The following PPARGC1A variants were observed in gnomAD, a reference collection of about 807,000 sequenced individuals.
PPARGC1A encodes peroxisome proliferator-activated receptor gamma coactivator 1-alpha.
Under a neutral mutation model 88.7 loss-of-function variants are expected in PPARGC1A, and 25 were observed. The ratio of observed to expected loss-of-function variants is 0.28; its 90% CI spans 0.21 to 0.39. The LOEUF (loss-of-function observed/expected upper bound fraction) is 0.39, where lower values mean the gene tolerates loss of function less well. PPARGC1A is among the 10% of genes least tolerant of loss of function. The pLI, the probability that PPARGC1A is intolerant of heterozygous loss-of-function variation, is 1.00. For synonymous variants in PPARGC1A, 363 were observed against 355.6 expected, an observed-to-expected ratio of 1.02 and a Z score of -0.24; for missense variants, 880 against 968.7, an observed-to-expected ratio of 0.91 and a Z score of 1.22.
At chr4:24,135,944 A>G in the PPARGC1A span, among the ~76,000 whole-genome samples, 1 of 152,144 alleles carries the variant, frequency 6.6e-6, no homozygotes, top group African/African-American at 2.4e-5. Flanking sequence ...GGCCCTGCCA[A>G]GGGTAAAAAG....
At chr4:24,110,717 CACATTAA>C in the PPARGC1A span, among the ~76,000 whole-genome samples, 1 of 152,180 alleles carries the variant, frequency 6.6e-6, no homozygotes, top group African/African-American at 2.4e-5. Flanking sequence ...ACTTGACAGG[CACATTAA>C]ACATCTCCAA....
chr4:24,359,364 G>A, the PPARGC1A span, among the ~76,000 whole-genome samples: 50,346 of 151,996 alleles, frequency 0.33, 8,556 homozygotes, highest in South Asian at 0.39. Flanking sequence ...TGCTGTCTCT[G>A]TAAAGATGCC....
At chr4:24,093,049 T>A in the PPARGC1A span, among the ~76,000 whole-genome samples, 1 of 152,208 alleles carries the variant, frequency 6.6e-6, no homozygotes, top group African/African-American at 2.4e-5. Flanking sequence ...GACCTAGGTG[T>A]CCGATGCTGT....
intron 2 of PPARGC1A, among the ~76,000 whole-genome samples, chr4:23,845,424 A>G (rs1043490198): frequency 2.6e-5 from 4 of 152,156 alleles, no homozygotes; most frequent in South Asian, 2.1e-4. Flanking sequence ...TCTATATGGT[A>G]TATTAAGATT....
chr4:24,181,141 CTTCT>C, the PPARGC1A span, among the ~76,000 whole-genome samples: 1 of 152,164 alleles, frequency 6.6e-6, no homozygotes. Context: ...TACTCCCTGG[CTTCT>C]TTGAGAATAA....
the PPARGC1A span, among the ~76,000 whole-genome samples, chr4:24,273,887 C>A: frequency 6.6e-6 from 1 of 151,636 alleles, no homozygotes; most frequent in Admixed American, 6.6e-5. Context: ...CCCGCCACCA[C>A]GCCCAGCTAA....
the PPARGC1A span, among the ~76,000 whole-genome samples, chr4:24,393,726 C>T: frequency 6.6e-6 from 1 of 152,218 alleles, no homozygotes; most frequent in Non-Finnish European, 1.5e-5. Context: ...ATTCTTGCCA[C>T]GTCCTTGTGT....
At chr4:24,268,509 G>A in the PPARGC1A span, among the ~76,000 whole-genome samples, 1 of 152,156 alleles carries the variant, frequency 6.6e-6, no homozygotes, top group Middle Eastern at 3.4e-3. Context: ...CTCTTATATT[G>A]GGCACAGATT....
chr4:24,434,059 CT>C, the PPARGC1A span, among the ~76,000 whole-genome samples: 1 of 152,196 alleles, frequency 6.6e-6, no homozygotes, highest in Non-Finnish European at 1.5e-5. Context: ...GCCCTGAATT[CT>C]TTTCTGATCC....
At chr4:24,311,131 G>A in the PPARGC1A span, among the ~76,000 whole-genome samples, 4 of 96,240 alleles carry the variant, frequency 4.2e-5, no homozygotes, top group Admixed American at 6.9e-4. Flanking sequence ...ACAGAGTCTT[G>A]CTCTGTCACC....
chr4:24,245,770 A>G, the PPARGC1A span, among the ~76,000 whole-genome samples: 1 of 152,178 alleles, frequency 6.6e-6, no homozygotes, highest in Non-Finnish European at 1.5e-5. Flanking sequence ...GAAAAGAAAA[A>G]TATCTCCTCT....
rs1393538962 is a variant in PPARGC1A, at chr4:23,887,713, A to G, written c.54+2191T>C. 2.0e-5 allele frequency among the ~76,000 whole-genome samples: 3 copies of G among 152,162 alleles called. No individual in the cohort carries two copies. In the East Asian group the frequency reaches 5.8e-4, roughly 29 times the overall value. On this transcript the variant is annotated intron_variant, in intron 1 of 12. Coordinates refer to ENST00000264867, the MANE Select transcript of PPARGC1A (RefSeq NM_013261.5). ...TATAATTAAGTATAATTCTCCATTA[A>G]CCTTTTGGAGGTTTTTGTGCCATTG...
At chr4:23,851,927 T>C (rs951495146) in intron 2 of PPARGC1A, among the ~76,000 whole-genome samples, 5 of 152,180 alleles carry the variant, frequency 3.3e-5, no homozygotes, top group African/African-American at 1.2e-4. Context: ...AAGATGCAGA[T>C]GCTAATTCAG....
At chr4:24,416,761 TG>T in the PPARGC1A span, among the ~76,000 whole-genome samples, 81 of 152,308 alleles carry the variant, frequency 5.3e-4, no homozygotes, top group Admixed American at 2.4e-3. Context: ...CTTGGCACAG[TG>T]GCTCACGCCT....
At chr4:24,443,071 C>A in the PPARGC1A span, among the ~76,000 whole-genome samples, 14 of 152,034 alleles carry the variant, frequency 9.2e-5, no homozygotes, top group African/African-American at 3.4e-4. Flanking sequence ...GTATGTAGTT[C>A]CTGGGATCAC....
At chr4:23,838,347 A>T (rs560695187) in intron 2 of PPARGC1A, among the ~76,000 whole-genome samples, 66 of 152,288 alleles carry the variant, frequency 4.3e-4, no homozygotes, top group African/African-American at 1.3e-3. Flanking sequence ...GGACTCCCAC[A>T]TGTAATGACT....
At chr4:24,283,962 C>T in the PPARGC1A span, among the ~76,000 whole-genome samples, 1 of 152,072 alleles carries the variant, frequency 6.6e-6, no homozygotes, top group South Asian at 2.1e-4. Context: ...GATGGGGAAA[C>T]TGAGGATTGG....
At position 23,807,922 on chromosome 4, in the gene PPARGC1A, A is replaced by G. The variant is rs185512336; in HGVS notation, c.2019+4825T>C. Among the ~76,000 whole-genome samples, 445 of 152,264 alleles carry G rather than the reference A, an allele frequency of 2.9e-3. 2 individuals are homozygous for G. Among genetic ancestry groups the G allele is most frequent in the African/African-American group, 0.01 (419 of 41,546 alleles). The stretch of plus-strand genomic sequence containing the variant: ...TGAACTTAGAGTCACAATATAACAT[A>G]TACTCACCCACACAAAATATCTCTT... On this transcript the variant is annotated intron_variant, in intron 10 of 12. Transcript: ENST00000264867.
At chr4:24,201,149 C>T in the PPARGC1A span, among the ~76,000 whole-genome samples, 1 of 152,220 alleles carries the variant, frequency 6.6e-6, no homozygotes, top group Non-Finnish European at 1.5e-5. Flanking sequence ...CATAAAACTA[C>T]ATCACCATAA....
Sources: gnomAD v4.1 joint callset for allele counts (sites outside exome capture counted in the v4.1 genomes callset) on GRCh38, gnomAD v4.1.1 for gene constraint, MANE v1.5 for transcripts, NCBI Gene and HGNC (gene_info 2026-07-23, HGNC 2026-07-21) for gene names.